YIF1A: variants seen among roughly 807,000 people sequenced by gnomAD.
YIF1A encodes the protein protein YIF1A.
YIF1A carries 28 observed loss-of-function variants against 32.6 expected under a neutral mutation model. That is an observed-to-expected ratio of 0.86 (90% CI 0.64 to 1.18). The LOEUF (loss-of-function observed/expected upper bound fraction) is 1.18. Ranked by LOEUF, YIF1A falls within the 50% of genes most tolerant of loss-of-function variation. The pLI is 0.00. For synonymous variants in YIF1A, 175 were observed against 162.2 expected (o/e 1.08, Z -0.60); for missense variants, 373 against 390.8 (o/e 0.95, Z 0.38).
chr11:66,287,347 G>A, intron 4 of YIF1A: 1 of 527,284 alleles, frequency 1.9e-6, no homozygotes, highest in Non-Finnish European at 3.5e-6. Context: ...GGCTGGGGAG[G>A]GATACAGTCC....
At chr11:66,288,719 G>T (rs1286957473) in intron 1 of YIF1A, among the ~76,000 whole-genome samples, 3 of 152,236 alleles carry the variant, frequency 2.0e-5, no homozygotes, top group African/African-American at 4.8e-5. Flanking sequence ...AACAGTCAAA[G>T]GAGTTTCTGG....
In YIF1A at chr11:66,287,824, G is replaced by A. The variant is rs943295884; in HGVS notation, c.336C>T (p.Pro112=). Residue 112 remains proline, a synonymous_variant, in exon 3 of 8, where the codon CCC becomes CCT. Transcript: ENST00000376901. ...VAKKLGLLVF[P]YTHQNWEVQY... ...GTAGGAAGCTCACCTGGTGTGTGTA[G>A]GGGAAGACCAGCAGCCCTAGCTTCT... The A allele has an allele frequency of 1.2e-6, 2 of 1,613,962 alleles. No individual in the cohort carries two copies. The highest frequency in any genetic ancestry group is 2.2e-5 in the East Asian group (1 of 44,898).
At position 66,284,714 on chromosome 11, in the gene YIF1A, G is replaced by A. The variant is rs750574574; in HGVS notation, c.805C>T (p.Gln269Ter). 1 of 1,612,644 alleles carries A rather than the reference G, an allele frequency of 6.2e-7. No homozygotes were observed. Among genetic ancestry groups the A allele is most frequent in the South Asian group, 1.1e-5 (1 of 91,086 alleles). The change falls in exon 8 of 8, where the codon CAG becomes TAG. Residue 269 changes from glutamine to a stop codon, truncating the protein, a stop_gained. Coordinates refer to ENST00000376901, the MANE Select transcript of YIF1A (RefSeq NM_020470.3). LOFTEE classifies it high-confidence loss of function. ...GCAGCTCCCAGAGTCAGGTAGAGCT[G>A]GAGACGCTGCCGGGGGACGGGGCCC... is the stretch of plus-strand genomic sequence containing the variant. ...MGGPVPRQRL[Q>*]LYLTLGAAAF...
chr11:66,285,846 A>G (rs1857348825), intron 4 of YIF1A, 88 bp from the exon 5 acceptor site: 1 of 1,449,256 alleles, frequency 6.9e-7, no homozygotes, highest in Non-Finnish European at 9.5e-7. Flanking sequence ...CATGTCCCAT[A>G]CTTCCTTCTC....
intron 4 of YIF1A, 23 bp downstream of exon 4, chr11:66,287,575 C>CCCT: frequency 6.2e-7 from 1 of 1,606,550 alleles, no homozygotes; most frequent in Non-Finnish European, 8.5e-7. Flanking sequence ...CACCACGTTC[C>CCCT]CCAGCCCAGG....
intron 1 of YIF1A, 68 bp from the exon 2 acceptor site, chr11:66,288,360 C>T (rs1391270520): frequency 6.3e-7 from 1 of 1,594,204 alleles, no homozygotes; most frequent in African/African-American, 1.3e-5. Context: ...ACCGCCCCTT[C>T]CCTGGCTGGA....
At position 66,285,320 on chromosome 11, in the gene YIF1A, G is replaced by C. The variant is rs201246428; in HGVS notation, c.641+61C>G. ...CGAGACATGTCCAGGGTCACAGTTC[G>C]AGGCTACAGCTATGCAGGCCCAGAT... On this transcript the variant is annotated intron_variant, in intron 6 of 7. Transcript: ENST00000376901. 563 of 1,575,300 alleles carry C rather than the reference G, an allele frequency of 3.6e-4. 3 individuals carry two copies. The South Asian group carries it at 4.3e-3, about 12-fold the overall frequency.
chr11:66,285,858 G>A, intron 4 of YIF1A, 100 bp from the exon 5 acceptor site: 2 of 1,346,724 alleles, frequency 1.5e-6, no homozygotes, highest in South Asian at 2.6e-5. Flanking sequence ...TTCCTTCTCT[G>A]AATAGCCCAG....
intron 6 of YIF1A, 193 bp from the exon 7 acceptor site, chr11:66,285,159 G>C (rs1857334031): frequency 1.1e-6 from 1 of 875,944 alleles, no homozygotes; most frequent in Non-Finnish European, 1.7e-6. Context: ...CTGGATCTGA[G>C]ACCCCCTTCT....
rs775717481 is a variant in YIF1A at position 66,289,036 on chromosome 11, C to G, written c.-51G>C. The G allele has an allele frequency of 1.9e-6, 3 of 1,555,864 alleles. No individual in the cohort carries two copies. In the African/African-American group the frequency reaches 4.2e-5, roughly 22 times the overall value. On this transcript the variant is annotated 5_prime_UTR_variant, in exon 1 of 8. Transcript: ENST00000376901. Reference sequence around the variant, plus strand: ...GGCCCGCTGCGCCGCCTCGTGGGTACGAATACTAATGAGGCAGCTGCTCCG... The same window carrying G: ...GGCCCGCTGCGCCGCCTCGTGGGTAGGAATACTAATGAGGCAGCTGCTCCG...
In YIF1A at chr11:66,288,113, C is replaced by T; in HGVS notation, c.211G>A (p.Ala71Thr). Residue 71 changes from alanine to threonine, a missense_variant, in exon 2 of 8, where the codon GCA becomes ACA. Coordinates refer to ENST00000376901, the MANE Select transcript of YIF1A (RefSeq NM_020470.3). ...NVAMAYGSSI[A>T]SHGKDMVHKE... is the part of the protein sequence containing the mutation. ...TGCACCATGTCCTTCCCATGGGATGCGATGGAGCTGCCATAGGCCATAGCC... is the reference window on the plus strand; with the variant it reads ...TGCACCATGTCCTTCCCATGGGATGTGATGGAGCTGCCATAGGCCATAGCC... 3 of 1,613,934 alleles carry T rather than the reference C, an allele frequency of 1.9e-6. No individual in the cohort carries two copies. Among genetic ancestry groups the T allele is most frequent in the South Asian group, 2.2e-5 (2 of 91,084 alleles).
chr11:66,288,114 G>C lies in YIF1A; in HGVS notation c.210C>G (p.Ile70Met), dbSNP rs770771496. 1 of 1,613,956 alleles carries C rather than the reference G, an allele frequency of 6.2e-7. No individual in the cohort carries two copies. The highest frequency in any genetic ancestry group is 8.5e-7 in the Non-Finnish European group (1 of 1,180,010). Residue 70 changes from isoleucine to methionine, a missense_variant, in exon 2 of 8, where the codon ATC becomes ATG. Physicochemically the swap from Ile to Met is conservative, Grantham distance 10. Coordinates refer to ENST00000376901, the MANE Select transcript of YIF1A (RefSeq NM_020470.3). ...ANVAMAYGSSIASHGKDMVHK... is the reference protein window; with the variant it reads ...ANVAMAYGSSMASHGKDMVHK... The stretch of plus-strand genomic sequence containing the variant: ...GCACCATGTCCTTCCCATGGGATGC[G>C]ATGGAGCTGCCATAGGCCATAGCCA...
chr11:66,285,355 C>A, intron 6 of YIF1A, 26 bp downstream of exon 6: 1 of 1,603,180 alleles, frequency 6.2e-7, no homozygotes, highest in South Asian at 1.1e-5. Flanking sequence ...TCCAAGGCCA[C>A]CTCCCCCTGG....
At chr11:66,284,987 G>C in intron 6 of YIF1A, 21 bp from the exon 7 acceptor site, 1 of 1,612,462 alleles carries the variant, frequency 6.2e-7, no homozygotes, top group Non-Finnish European at 8.5e-7. Context: ...GAGGAGGAAA[G>C]GGTTGGTGAC....
chr11:66,285,617 G>A (rs766638690), intron 5 of YIF1A, 81 bp from the exon 6 acceptor site: 8 of 1,609,984 alleles, frequency 5.0e-6, no homozygotes, highest in Non-Finnish European at 6.8e-6. Context: ...CAGAGGGTGA[G>A]CTGGGGACCA....
intron 2 of YIF1A, 27 bp from the exon 3 acceptor site, chr11:66,287,943 G>A: frequency 1.2e-6 from 2 of 1,610,250 alleles, no homozygotes; most frequent in Non-Finnish European, 1.7e-6. Flanking sequence ...GAAGCTGTGG[G>A]CAAGCCGCAC....
At chr11:66,288,809 T>G in intron 1 of YIF1A, 146 bp downstream of exon 1, 10 of 950,372 alleles carry the variant, frequency 1.1e-5, no homozygotes, top group Non-Finnish European at 1.5e-5. Context: ...GTCCGGGACG[T>G]GTTGGAGTGT....
At chr11:66,286,585 C>T (rs1283443533) in intron 4 of YIF1A, among the ~76,000 whole-genome samples, 1 of 152,182 alleles carries the variant, frequency 6.6e-6, no homozygotes, top group Admixed American at 6.5e-5. Flanking sequence ...CAAGATCACA[C>T]CACTGTACTC....
rs1360209959 is a variant in YIF1A at position 66,285,688 on chromosome 11, G to T, written c.485+13C>A. ...ACAGGGAGGGGAGGGTAAGGGAGGG[G>T]CTTGGCACTGACCTTTTCTGAATGC... On this transcript the variant is annotated intron_variant, in intron 5 of 7. Coordinates refer to ENST00000376901, the MANE Select transcript of YIF1A (RefSeq NM_020470.3). 6.2e-7 allele frequency: 1 copy of T among 1,613,300 alleles called. No individual in the cohort carries two copies. The highest frequency in any genetic ancestry group is 8.5e-7 in the Non-Finnish European group (1 of 1,179,884).
Sources: gnomAD v4.1 joint callset for allele counts (sites outside exome capture counted in the v4.1 genomes callset) on GRCh38, gnomAD v4.1.1 for gene constraint, MANE v1.5 for transcripts, NCBI Gene and HGNC (gene_info 2026-07-23, HGNC 2026-07-21) for gene names.